Variants in KLHL5 observed in about 807,000 individuals in gnomAD.
The protein encoded by KLHL5 is kelch like family member 5, also known as kelch-like protein 5.
In KLHL5, 48 loss-of-function variants were observed where a neutral mutation model predicts 77.7. The observed-to-expected ratio is 0.62, with a 90% CI of 0.49 to 0.79. The LOEUF is 0.79. Among genes scored for constraint, KLHL5 ranks in the 30% least tolerant of loss-of-function variants. KLHL5 has a pLI of 0.00. For synonymous variants in KLHL5, 260 were observed against 297.0 expected (o/e 0.88, Z 1.28); for missense variants, 723 against 859.7 (o/e 0.84, Z 1.99).
intron 5 of KLHL5, among the ~76,000 whole-genome samples, chr4:39,096,279 T>C (rs1721059131): frequency 6.6e-6 from 1 of 152,134 alleles, no homozygotes; most frequent in Admixed American, 6.6e-5. Flanking sequence ...CTGAACATCA[T>C]TTAGCAAAGT....
chr4:39,098,308 G>A (rs918502711), intron 6 of KLHL5, among the ~76,000 whole-genome samples: 1 of 151,600 alleles, frequency 6.6e-6, no homozygotes, highest in Non-Finnish European at 1.5e-5. Context: ...TGTCACCCAG[G>A]CTGAAGTGCA....
chr4:39,063,080 C>G, intron 1 of KLHL5, 45 bp downstream of exon 1: 1 of 1,406,100 alleles, frequency 7.1e-7, no homozygotes, highest in Non-Finnish European at 9.6e-7. Flanking sequence ...GGGGGTATGG[C>G]TCTATAATGT....
chr4:39,045,150 C>T (rs1198387217), intron 1 of KLHL5: 4 of 984,102 alleles, frequency 4.1e-6, no homozygotes, highest in African/African-American at 3.5e-5. Context: ...GGGCAGGGCC[C>T]GCTTCCCGCC....
At chr4:39,116,507 A>G (rs553188288) in intron 10 of KLHL5, among the ~76,000 whole-genome samples, 31 of 152,208 alleles carry the variant, frequency 2.0e-4, no homozygotes, top group South Asian at 1.5e-3. Context: ...GAAAAAAGAA[A>G]GTGGTTATGG....
Position 39,115,343 on chromosome 4 carries a change from T to G in KLHL5, c.2073+13T>G. 6.2e-7 allele frequency: 1 copy of G among 1,613,820 alleles called. No individual in the cohort carries two copies. The highest frequency in any genetic ancestry group is 1.7e-5 in the Admixed American group (1 of 59,996). On this transcript the variant is annotated intron_variant, in intron 10 of 10. Transcript: ENST00000504108. ...TGAGTGGACCCAGGTATGGCATTCATGTTTCATTATTACACTGACTCTCTT... is the reference window on the plus strand; with the variant it reads ...TGAGTGGACCCAGGTATGGCATTCAGGTTTCATTATTACACTGACTCTCTT...
intron 2 of KLHL5, among the ~76,000 whole-genome samples, chr4:39,076,986 C>T (rs944747565): frequency 2.0e-4 from 30 of 151,288 alleles, no homozygotes; most frequent in African/African-American, 6.1e-4. Context: ...AGTTAACAGA[C>T]AACCCACAGA....
chr4:39,130,767 C>T (rs77393885), downstream of KLHL5, among the ~76,000 whole-genome samples: 591 of 152,232 alleles, frequency 3.9e-3, 4 homozygotes, highest in African/African-American at 0.014. Flanking sequence ...TGTTATTCCA[C>T]GAGCAAACTT....
At chr4:39,099,422 G>A (rs555523005) in intron 6 of KLHL5, among the ~76,000 whole-genome samples, 5 of 152,236 alleles carry the variant, frequency 3.3e-5, no homozygotes, top group African/African-American at 9.6e-5. Flanking sequence ...TGAACTCCTA[G>A]TACTAGCAGG....
rs187289187 is a variant in KLHL5 at position 39,125,231 on chromosome 4, G to A, written c.*4165G>A. ...GTGGAGAAATTGAAAACCTTCATTC[G>A]TTGTTGGTGGGAATGTTAAATGGTG... is the stretch of plus-strand genomic sequence containing the variant. On this transcript the variant is annotated 3_prime_UTR_variant, in exon 11 of 11. Coordinates refer to ENST00000504108, the MANE Select transcript of KLHL5 (RefSeq NM_015990.5). 5.3e-5 allele frequency among the ~76,000 whole-genome samples: 8 copies of A among 151,872 alleles called. No homozygotes were observed. Among genetic ancestry groups the A allele is most frequent in the African/African-American group, 1.9e-4 (8 of 41,510 alleles).
intron 2 of KLHL5, among the ~76,000 whole-genome samples, chr4:39,080,181 G>A (rs997977866): frequency 5.9e-5 from 9 of 152,072 alleles, no homozygotes; most frequent in Admixed American, 1.3e-4. Context: ...ATCTATTTAA[G>A]TGTGTTGACA....
chr4:39,096,318 C>T (rs1201115528), intron 5 of KLHL5, among the ~76,000 whole-genome samples: 1 of 151,810 alleles, frequency 6.6e-6, no homozygotes, highest in Non-Finnish European at 1.5e-5. Flanking sequence ...TTAGTCAACT[C>T]CTACTTATAA....
At chr4:39,054,875 C>T (rs144272245) in intron 1 of KLHL5, among the ~76,000 whole-genome samples, 92 of 152,290 alleles carry the variant, frequency 6.0e-4, no homozygotes, top group African/African-American at 2.2e-3. Flanking sequence ...TCTGCTTACT[C>T]GTTGAATTGA....
chr4:39,045,532 T>C (rs1451451006), intron 1 of KLHL5, among the ~76,000 whole-genome samples: 3 of 152,110 alleles, frequency 2.0e-5, no homozygotes, highest in Non-Finnish European at 4.4e-5. Flanking sequence ...AATTTTGACC[T>C]AAGTTTTTAA....
At chr4:39,100,680 C>T (rs892486333) in intron 6 of KLHL5, among the ~76,000 whole-genome samples, 1 of 152,146 alleles carries the variant, frequency 6.6e-6, no homozygotes, top group Non-Finnish European at 1.5e-5. Flanking sequence ...AGTGAACATG[C>T]CATTATTCTG....
intron 1 of KLHL5, among the ~76,000 whole-genome samples, chr4:39,069,459 TATATATATATATATACAC>T (rs1411472975): frequency 2.5e-4 from 12 of 48,500 alleles, no homozygotes; most frequent in African/African-American, 8.0e-4. Context: ...TATATATATA[TATATATATATATATACAC>T]ACACACACAC....
chr4:39,085,659 C>A (rs1341605470), intron 4 of KLHL5, among the ~76,000 whole-genome samples: 1 of 152,100 alleles, frequency 6.6e-6, no homozygotes, highest in Admixed American at 6.6e-5. Flanking sequence ...CATCTCACAC[C>A]TAAGGGCATT....
At chr4:39,082,285 C>G (rs1233672702) in intron 4 of KLHL5, 126 bp downstream of exon 4, 2 of 723,928 alleles carry the variant, frequency 2.8e-6, no homozygotes, top group East Asian at 2.6e-5. Flanking sequence ...GCTTCATTGC[C>G]TAGTGTGTCA....
At chr4:39,114,578 A>G (rs555763614) in intron 9 of KLHL5, among the ~76,000 whole-genome samples, 1 of 152,330 alleles carries the variant, frequency 6.6e-6, no homozygotes, top group Admixed American at 6.5e-5. Context: ...ATTGGGGGGA[A>G]AACAATTGAG....
At chr4:39,095,889 A>G (rs921005017) in intron 5 of KLHL5, among the ~76,000 whole-genome samples, 2 of 151,898 alleles carry the variant, frequency 1.3e-5, no homozygotes, top group East Asian at 1.9e-4. Context: ...TATGTTATAC[A>G]TATAAATGTA....
Sources: gnomAD v4.1 joint callset for allele counts (sites outside exome capture counted in the v4.1 genomes callset) on GRCh38, gnomAD v4.1.1 for gene constraint, MANE v1.5 for transcripts, NCBI Gene and HGNC (gene_info 2026-07-23, HGNC 2026-07-21) for gene names.